Variants in PRKN observed in about 807,000 individuals in gnomAD.
The protein encoded by PRKN is parkin RBR E3 ubiquitin protein ligase.
Under a neutral mutation model 59.5 loss-of-function variants are expected in PRKN, and 56 were observed. The ratio of observed to expected loss-of-function variants is 0.94; its 90% CI spans 0.76 to 1.18. The LOEUF (loss-of-function observed/expected upper bound fraction) is 1.18. Ranked by LOEUF, PRKN falls within the 50% of genes most tolerant of loss-of-function variation. PRKN has a pLI of 0.00. For synonymous variants in PRKN, 250 were observed against 222.1 expected, an observed-to-expected ratio of 1.13 and a Z score of -1.12; for missense variants, 657 against 596.4, an observed-to-expected ratio of 1.10 and a Z score of -1.06.
chr6:162,618,861 C>T (rs922776626), intron 1 of PRKN, among the ~76,000 whole-genome samples: 4 of 152,116 alleles, frequency 2.6e-5, no homozygotes, highest in African/African-American at 7.2e-5. Context: ...ACATTGTGTC[C>T]GAAATGCATT....
chr6:162,392,036 A>T (rs1354368381), intron 2 of PRKN, among the ~76,000 whole-genome samples: 2 of 150,924 alleles, frequency 1.3e-5, no homozygotes, highest in Admixed American at 6.6e-5. Flanking sequence ...CCATTTCATG[A>T]TTTTTTTTTC....
intron 1 of PRKN, among the ~76,000 whole-genome samples, chr6:162,510,560 T>C (rs1233001627): frequency 6.6e-6 from 1 of 152,186 alleles, no homozygotes; most frequent in African/African-American, 2.4e-5. Flanking sequence ...CCAGGGCCTA[T>C]TTATAATAGA....
chr6:162,469,007 A>C (rs1791575936), intron 1 of PRKN, among the ~76,000 whole-genome samples: 1 of 152,198 alleles, frequency 6.6e-6, no homozygotes, highest in South Asian at 2.1e-4. Flanking sequence ...CAATGAATCC[A>C]AAATACCAAC....
At chr6:161,715,988 C>A (rs1583045558) in intron 7 of PRKN, 1 of 623,328 alleles carries the variant, frequency 1.6e-6, no homozygotes, top group Non-Finnish European at 2.7e-6. Context: ...TGGGGTGGGG[C>A]CCTGTGATCT....
chr6:161,804,013 GGC>G (rs1791204842), intron 6 of PRKN, among the ~76,000 whole-genome samples: 1 of 152,208 alleles, frequency 6.6e-6, no homozygotes. Flanking sequence ...CATGGGGGGT[GGC>G]ACAGCCTCCA....
chr6:162,321,923 T>C (rs937351957), intron 2 of PRKN, among the ~76,000 whole-genome samples: 3 of 152,032 alleles, frequency 2.0e-5, no homozygotes, highest in Admixed American at 1.3e-4. Context: ...GATTGTCTAC[T>C]TTCCCTCTGA....
At chr6:162,318,937 C>T (rs763265337) in intron 2 of PRKN, among the ~76,000 whole-genome samples, 60 of 151,886 alleles carry the variant, frequency 4.0e-4, no homozygotes, top group East Asian at 1.9e-4. Context: ...AAGTGTATTA[C>T]GAAGCACTTG....
In PRKN at chr6:161,399,833, C is replaced by T. The variant is rs1167310982; in HGVS notation, c.1084-12956G>A. 6.6e-6 allele frequency among the ~76,000 whole-genome samples: 1 copy of T among 151,568 alleles called. No homozygotes were observed. Among genetic ancestry groups the T allele is most frequent in the African/African-American group, 2.4e-5 (1 of 41,192 alleles). On this transcript the variant is annotated intron_variant, in intron 9 of 11. Transcript: ENST00000366898. This position sits in a 1 kb window ranked among gnomAD's most constrained non-coding sequence, Gnocchi z 4.4. Reference sequence around the variant, plus strand: ...CTAGAACAGTGCTGTCCAATTGAAACAGCAATAATTTTTAATGGTCTAGTA... The same window carrying T: ...CTAGAACAGTGCTGTCCAATTGAAATAGCAATAATTTTTAATGGTCTAGTA...
chr6:161,427,273 T>C (rs1261656111), intron 9 of PRKN, among the ~76,000 whole-genome samples: 1 of 152,202 alleles, frequency 6.6e-6, no homozygotes, highest in Non-Finnish European at 1.5e-5. Context: ...CCTCCCAAAA[T>C]GCTGGGATAT....
chr6:162,121,718 G>A (rs920641563), intron 4 of PRKN, among the ~76,000 whole-genome samples: 1 of 152,170 alleles, frequency 6.6e-6, no homozygotes, highest in Non-Finnish European at 1.5e-5. Context: ...AAGAAACCAT[G>A]TGGGGTGGCC....
intron 6 of PRKN, among the ~76,000 whole-genome samples, chr6:161,911,652 G>C (rs1469260986): frequency 6.6e-6 from 1 of 152,078 alleles, no homozygotes; most frequent in Admixed American, 6.6e-5. Flanking sequence ...AAGGAGAAAA[G>C]CAAACAGAGA....
chr6:162,632,573 A>G (rs779152841), intron 1 of PRKN, among the ~76,000 whole-genome samples: 21 of 152,294 alleles, frequency 1.4e-4, no homozygotes, highest in Non-Finnish European at 2.6e-4. Context: ...GATAGGATCC[A>G]TACCCTGAAC....
At chr6:162,663,923 T>TA (rs376796113) in intron 1 of PRKN, among the ~76,000 whole-genome samples, 51 of 145,872 alleles carry the variant, frequency 3.5e-4, no homozygotes, top group South Asian at 1.1e-3. Context: ...TTATTTCCTC[T>TA]AAAAAAAAAA....
chr6:162,471,171 C>T (rs1210103125), intron 1 of PRKN, among the ~76,000 whole-genome samples: 1 of 151,964 alleles, frequency 6.6e-6, no homozygotes, highest in Non-Finnish European at 1.5e-5. Flanking sequence ...AATCTTGGCT[C>T]ACCGCAACAT....
At chr6:162,219,042 T>G (rs937581552) in intron 3 of PRKN, among the ~76,000 whole-genome samples, 1 of 151,856 alleles carries the variant, frequency 6.6e-6, no homozygotes, top group Non-Finnish European at 1.5e-5. Context: ...ATAAATAAAT[T>G]AGCTGGTCAT....
intron 6 of PRKN, among the ~76,000 whole-genome samples, chr6:161,842,159 T>C (rs1793012521): frequency 6.6e-6 from 1 of 152,068 alleles, no homozygotes; most frequent in Non-Finnish European, 1.5e-5. Flanking sequence ...TATGAGAACA[T>C]AAAGCATATA....
chr6:162,235,967 A>AAGAAAGAAAGAAAGAAAGAAAGAAAG (rs1562602360), intron 3 of PRKN, among the ~76,000 whole-genome samples: 7 of 101,586 alleles, frequency 6.9e-5, no homozygotes, highest in African/African-American at 2.8e-4. Flanking sequence ...GGAAGAAAGA[A>AAGAAAGAAAGAAAGAAAGAAAGAAAG]AGAAAGAAAG....
At chr6:162,479,317 C>G (rs565883143) in intron 1 of PRKN, among the ~76,000 whole-genome samples, 1 of 151,922 alleles carries the variant, frequency 6.6e-6, no homozygotes, top group African/African-American at 2.4e-5. Flanking sequence ...CCTCTGTATC[C>G]CAGGTTCAGG....
intron 4 of PRKN, among the ~76,000 whole-genome samples, chr6:162,193,960 CAGA>C: frequency 6.6e-6 from 1 of 152,112 alleles, no homozygotes; most frequent in Admixed American, 6.6e-5. Flanking sequence ...ATATAAAATA[CAGA>C]AGATCCTAAA....
Sources: allele counts gnomAD v4.1 joint callset (sites outside exome capture counted in the v4.1 genomes callset), GRCh38; gene constraint gnomAD v4.1.1; non-coding constraint Gnocchi (gnomAD v3.1); transcripts MANE v1.5; gene names NCBI Gene and HGNC (gene_info 2026-07-23, HGNC 2026-07-21).